KLHDC4: variants seen among roughly 807,000 people sequenced by gnomAD.
KLHDC4 encodes the protein kelch domain-containing protein 4.
A neutral mutation model predicts 62.4 loss-of-function variants in KLHDC4; 90 were observed. The ratio of observed to expected loss-of-function variants is 1.44; its 90% CI spans 1.22 to 1.72. The LOEUF is 1.72. KLHDC4 is among the 40% of genes most tolerant of loss of function. The pLI is 0.00. For missense variants in KLHDC4, 1,025 were observed against 699.7 expected (o/e 1.47, Z -5.25); for synonymous variants, 386 against 284.4 (o/e 1.36, Z -3.59).
chr16:87,714,931 C>T (rs571968996), intron 7 of KLHDC4, among the ~76,000 whole-genome samples: 1 of 152,324 alleles, frequency 6.6e-6, no homozygotes, highest in Non-Finnish European at 1.5e-5. Flanking sequence ...CCGGTGGATC[C>T]CCACCGCCTT....
chr16:87,743,827 C>G (rs1246250020), intron 5 of KLHDC4, among the ~76,000 whole-genome samples: 1 of 152,118 alleles, frequency 6.6e-6, no homozygotes, highest in Non-Finnish European at 1.5e-5. Flanking sequence ...ACTCTTACCA[C>G]CATAGCCCAG....
intron 8 of KLHDC4, among the ~76,000 whole-genome samples, chr16:87,711,773 G>A (rs1250430944): frequency 6.6e-6 from 1 of 151,478 alleles, no homozygotes; most frequent in Non-Finnish European, 1.5e-5. Flanking sequence ...GCTTCTGTGG[G>A]GAGGCTGCCC....
rs775705695 is a variant in KLHDC4, at chr16:87,756,459, C to A, written c.210G>T (p.Ser70=). 6.2e-7 allele frequency: 1 copy of A among 1,613,798 alleles called. No individual in the cohort carries two copies. The highest frequency in any genetic ancestry group is 1.1e-5 in the South Asian group (1 of 91,074). Residue 70 remains serine (S), a synonymous_variant, in exon 3 of 12, where the codon TCG becomes TCT. Transcript: ENST00000270583. ...TTAACTCATCTTTCTCAGGATGAAC[C>A]GAGAGGGAGGCATTTAACCTACAAG... is the stretch of plus-strand genomic sequence containing the variant. ...PPSPRLNASL[S]VHPEKDELIL...
chr16:87,761,776 G>C (rs2045931114), intron 2 of KLHDC4, among the ~76,000 whole-genome samples, 173 bp downstream of exon 2: 1 of 152,220 alleles, frequency 6.6e-6, no homozygotes, highest in Non-Finnish European at 1.5e-5. Context: ...TTCCATGACA[G>C]TAAAGCTTAC....
At chr16:87,704,352 T>G (rs1245234875), downstream of KLHDC4, among the ~76,000 whole-genome samples, 12 of 109,176 alleles carry the variant, frequency 1.1e-4, no homozygotes, top group Non-Finnish European at 1.8e-4. Flanking sequence ...GTCTTGAATG[T>G]CACAGGGAAG....
chr16:87,711,066 T>C, intron 9 of KLHDC4, 169 bp downstream of exon 9: 1 of 642,980 alleles, frequency 1.6e-6, no homozygotes, highest in South Asian at 1.9e-5. Flanking sequence ...CCAAGGGCTC[T>C]CCAAGCCTAG....
chr16:87,762,263 G>A (rs1021279690), intron 1 of KLHDC4: 2 of 839,448 alleles, frequency 2.4e-6, no homozygotes, highest in South Asian at 4.2e-5. Flanking sequence ...TGTGCACCAA[G>A]TATTATCTCC....
chr16:87,758,548 G>A (rs1188300029), intron 2 of KLHDC4, among the ~76,000 whole-genome samples: 3 of 152,144 alleles, frequency 2.0e-5, no homozygotes, highest in African/African-American at 7.2e-5. Context: ...GCTGGGGGAG[G>A]GGAAACAGGG....
chr16:87,705,939 C>T (rs527418055), downstream of KLHDC4, among the ~76,000 whole-genome samples: 110 of 152,362 alleles, frequency 7.2e-4, no homozygotes, highest in Middle Eastern at 3.4e-3. Context: ...CCGCCAAAGC[C>T]GGCGCAACGC....
chr16:87,714,375 C>T (rs2036509175), intron 8 of KLHDC4, 123 bp downstream of exon 8: 2 of 646,952 alleles, frequency 3.1e-6, no homozygotes, highest in East Asian at 9.7e-5. Context: ...TCTCGGCAGG[C>T]CCTCCGCTCC....
chr16:87,704,405 G>A (rs1192145648), downstream of KLHDC4, among the ~76,000 whole-genome samples: 2 of 92,900 alleles, frequency 2.2e-5, no homozygotes, highest in Admixed American at 1.2e-4. Context: ...GGAAGGAGGC[G>A]CCTGGGGAGG....
At chr16:87,764,992 C>T (rs1275608363) in intron 1 of KLHDC4, 1 of 397,318 alleles carries the variant, frequency 2.5e-6, no homozygotes, top group Non-Finnish European at 5.0e-6. Context: ...TGGTCACATC[C>T]CAGTTCCATA....
intron 3 of KLHDC4, 93 bp from the exon 4 acceptor site, chr16:87,755,385 C>G (rs2143297838): frequency 1.4e-6 from 1 of 707,050 alleles, no homozygotes; most frequent in Admixed American, 2.3e-5. Flanking sequence ...CCCTGGGAAA[C>G]TGACATGCTA....
chr16:87,750,913 G>T (rs74372346), intron 4 of KLHDC4: 1 of 152,224 alleles, frequency 6.6e-6, no homozygotes, highest in Admixed American at 6.5e-5. Context: ...CATTCTAAAA[G>T]CCCAGTAGTT....
intron 5 of KLHDC4, among the ~76,000 whole-genome samples, chr16:87,736,468 C>G (rs1051552959): frequency 6.6e-6 from 1 of 152,190 alleles, no homozygotes; most frequent in Non-Finnish European, 1.5e-5. Flanking sequence ...CATCCTCAGA[C>G]TAGAGAGCCC....
chr16:87,748,913 C>G (rs2043457836), intron 4 of KLHDC4, 104 bp from the exon 5 acceptor site: 3 of 1,326,268 alleles, frequency 2.3e-6, no homozygotes, highest in Non-Finnish European at 2.0e-6. Context: ...CTCGGATGCC[C>G]TGCAACATGA....
At chr16:87,749,208 T>C (rs1016165334) in intron 4 of KLHDC4, among the ~76,000 whole-genome samples, 2 of 152,006 alleles carry the variant, frequency 1.3e-5, no homozygotes, top group Admixed American at 6.6e-5. Flanking sequence ...ATCCCTCTCC[T>C]TGCTATCATG....
At chr16:87,712,121 G>A (rs2142942582) in intron 8 of KLHDC4, among the ~76,000 whole-genome samples, 1 of 148,404 alleles carries the variant, frequency 6.7e-6, no homozygotes, top group East Asian at 2.0e-4. Flanking sequence ...CCCCACCTTG[G>A]GCTGCAGTGT....
chr16:87,759,180 C>G (rs943562818), intron 2 of KLHDC4, among the ~76,000 whole-genome samples: 1 of 146,480 alleles, frequency 6.8e-6, no homozygotes, highest in Non-Finnish European at 1.5e-5. Context: ...CTCAAAAAAA[C>G]CAAAACCAAA....
Sources: gnomAD v4.1 joint callset for allele counts (sites outside exome capture counted in the v4.1 genomes callset) on GRCh38, gnomAD v4.1.1 for gene constraint, MANE v1.5 for transcripts, NCBI Gene and HGNC (gene_info 2026-07-23, HGNC 2026-07-21) for gene names.